CRTC1: variants seen among roughly 807,000 people sequenced by gnomAD.
CRTC1 encodes CREB-regulated transcription coactivator 1.
CRTC1 carries 18 observed loss-of-function variants against 66.1 expected under a neutral mutation model. That is an observed-to-expected ratio of 0.27 (90% CI 0.19 to 0.40). CRTC1 has a LOEUF of 0.40. Ranked by LOEUF, CRTC1 falls within the 10% of genes least tolerant of loss-of-function variation. The pLI, the probability that CRTC1 is intolerant of heterozygous loss-of-function variation, is 1.00. For synonymous variants in CRTC1, 416 were observed against 398.8 expected (o/e 1.04, Z -0.51); for missense variants, 669 against 887.9 (o/e 0.75, Z 3.13).
In CRTC1 at chr19:18,771,517, C is replaced by G; in HGVS notation, c.1396C>G (p.Gln466Glu). ...NQSPTSPVSNQGFSPGSSPQH... is the reference protein window; with the variant it reads ...NQSPTSPVSNEGFSPGSSPQH... ...GTCTCCCACCTCGCCAGTCTCCAAT[C>G]AAGGCTTCTCCCCAGGGAGCTCCCC... Residue 466 changes from glutamine (Q) to glutamate (E), a missense_variant, in exon 11 of 14, where the codon CAA becomes GAA. Around this residue, in one of 8 missense-constraint regions of CRTC1, gnomAD observed 79 missense variants for 100.1 expected, o/e 0.79. Transcript: ENST00000321949. This position sits in a 1 kb window ranked among gnomAD's most constrained non-coding sequence, Gnocchi z 4.6. 6.2e-7 allele frequency: 1 copy of G among 1,613,628 alleles called. No homozygotes were observed. The highest frequency in any genetic ancestry group is 8.5e-7 in the Non-Finnish European group (1 of 1,179,754).
At position 18,768,914 on chromosome 19, in the gene CRTC1, T is replaced by C; in HGVS notation, c.1320+121T>C. ...CAGGGGTCAGAACCCCAGCGAACGC[T>C]GCCTGGGCCCACCTCTCCACGGGGC... On this transcript the variant is annotated intron_variant, in intron 10 of 13. Coordinates refer to ENST00000321949, the MANE Select transcript of CRTC1 (RefSeq NM_015321.3). The surrounding 1 kb of genome is among the most constrained non-coding windows in gnomAD (Gnocchi z 5.6). 2 of 1,283,790 alleles carry C rather than the reference T, an allele frequency of 1.6e-6. No individual in the cohort carries two copies. Among genetic ancestry groups the C allele is most frequent in the Non-Finnish European group, 1.0e-6 (1 of 954,026 alleles). The allele number at this position is 1,283,790 out of a possible 1,614,324, so 79.5% of individuals were successfully genotyped here. A position where few individuals can be genotyped will look rare whatever the true frequency, so the allele number is the denominator to read the frequency against.
At position 18,769,848 on chromosome 19, in the gene CRTC1, G is replaced by A. The variant is rs1332131720; in HGVS notation, c.1320+1055G>A. On this transcript the variant is annotated intron_variant, in intron 10 of 13. Transcript: ENST00000321949. ...ACTTCAAGGACTTCTAGCCTCCTGGGGTTGAGGGGGGACTCTTGAGTTTTT... is the reference window on the plus strand; with the variant it reads ...ACTTCAAGGACTTCTAGCCTCCTGGAGTTGAGGGGGGACTCTTGAGTTTTT... Among the ~76,000 whole-genome samples, 4 of 152,278 alleles carry A rather than the reference G, an allele frequency of 2.6e-5. No homozygotes were observed. The East Asian group carries it at 7.7e-4, about 29-fold the overall frequency.
intron 8 of CRTC1, among the ~76,000 whole-genome samples, chr19:18,761,929 G>A (rs537134446): frequency 7.2e-5 from 11 of 152,276 alleles, no homozygotes; most frequent in Admixed American, 5.9e-4. Flanking sequence ...CTGGGCCCGC[G>A]GGGCTCTGCC....
At chr19:18,702,855 G>A (rs2053178558) in intron 1 of CRTC1, among the ~76,000 whole-genome samples, 1 of 152,094 alleles carries the variant, frequency 6.6e-6, no homozygotes, top group African/African-American at 2.4e-5. Flanking sequence ...TGGAGATAGT[G>A]CAGGGAATAC....
chr19:18,705,113 G>A (rs964245537), intron 1 of CRTC1, among the ~76,000 whole-genome samples: 4 of 152,036 alleles, frequency 2.6e-5, no homozygotes, highest in African/African-American at 9.7e-5. Context: ...GTGTCAGAAC[G>A]TCCTTCCCCT....
In CRTC1 at chr19:18,780,206, A is replaced by C. The variant is rs1039385947; in HGVS notation, c.*2824A>C. On this transcript the variant is annotated 3_prime_UTR_variant, in exon 14 of 14. Transcript: ENST00000321949. ...GGTCAGGCCCGGATGCTTGGTCTACACTGGGTTAGAGGCTGCTCTCCCCAC... is the reference window on the plus strand; with the variant it reads ...GGTCAGGCCCGGATGCTTGGTCTACCCTGGGTTAGAGGCTGCTCTCCCCAC... 4.3e-6 allele frequency: 1 copy of C among 231,484 alleles called. No individual in the cohort carries two copies. Among genetic ancestry groups the C allele is most frequent in the East Asian group, 6.1e-5 (1 of 16,378 alleles). The allele number at this position is 231,484 out of a possible 1,614,324, so 14.3% of individuals were successfully genotyped here. A position where few individuals can be genotyped will look rare whatever the true frequency, so the allele number is the denominator to read the frequency against.
chr19:18,722,591 A>G (rs2053653946), intron 1 of CRTC1, among the ~76,000 whole-genome samples: 1 of 152,240 alleles, frequency 6.6e-6, no homozygotes, highest in Non-Finnish European at 1.5e-5. Flanking sequence ...GAGGCCAAGG[A>G]CTGCTGACGG....
At chr19:18,712,866 A>G (rs923387670) in intron 1 of CRTC1, among the ~76,000 whole-genome samples, 1 of 151,306 alleles carries the variant, frequency 6.6e-6, no homozygotes, top group Non-Finnish European at 1.5e-5. Context: ...AGGCTGAGGC[A>G]GGAGAATGGC....
rs549105472 is a variant in CRTC1 at position 18,745,626 on chromosome 19, C to G, written c.244-197C>G. On this transcript the variant is annotated intron_variant, in intron 2 of 13. Transcript: ENST00000321949. ...GCTCCCGGGACCCCAGCTCACACCC[C>G]CTCCCTACCCCCCAGTGCTTGGAGA... Among the ~76,000 whole-genome samples, 17 of 152,332 alleles carry G rather than the reference C, an allele frequency of 1.1e-4. No individual in the cohort carries two copies. In the South Asian group the frequency reaches 2.7e-3, roughly 24 times the overall value.
chr19:18,688,464 G>T (rs565156745), intron 1 of CRTC1, among the ~76,000 whole-genome samples: 1 of 149,080 alleles, frequency 6.7e-6, no homozygotes, highest in African/African-American at 2.5e-5. Context: ...TTTTGAGGAG[G>T]AGCCCCCCCT....
At chr19:18,693,539 C>T (rs1216471122) in intron 1 of CRTC1, among the ~76,000 whole-genome samples, 2 of 145,756 alleles carry the variant, frequency 1.4e-5, no homozygotes, top group Non-Finnish European at 3.0e-5. Flanking sequence ...TAGAGTGCAG[C>T]GGTGTGATCT....
chr19:18,715,008 A>C (rs1490438535), intron 1 of CRTC1, among the ~76,000 whole-genome samples: 1 of 152,204 alleles, frequency 6.6e-6, no homozygotes, highest in African/African-American at 2.4e-5. Context: ...AATGACCACA[A>C]AATCTGGTGG....
intron 6 of CRTC1, among the ~76,000 whole-genome samples, chr19:18,758,302 G>A (rs1412108920): frequency 1.3e-5 from 2 of 151,074 alleles, no homozygotes; most frequent in African/African-American, 4.9e-5. Context: ...GGAGCTTGCA[G>A]TGAGCTGAGA....
intron 1 of CRTC1, among the ~76,000 whole-genome samples, chr19:18,696,524 C>T (rs2145504208): frequency 6.6e-6 from 1 of 152,258 alleles, no homozygotes; most frequent in Middle Eastern, 3.4e-3. Flanking sequence ...GAAATTGAGG[C>T]ACAGGAGGTC....
rs913875137 is a variant in CRTC1 at position 18,778,725 on chromosome 19, T to A, written c.*1343T>A. ...GCCATGACCAGTGGCAGCTGAGACC[T>A]CTCTGCCCCAAGAGTGTGGGGGACT... On this transcript the variant is annotated 3_prime_UTR_variant, in exon 14 of 14. Coordinates refer to ENST00000321949, the MANE Select transcript of CRTC1 (RefSeq NM_015321.3). The A allele has an allele frequency of 9.5e-5, 22 of 231,008 alleles. No individual in the cohort carries two copies. Among genetic ancestry groups the A allele is most frequent in the African/African-American group, 4.4e-4 (20 of 45,334 alleles). 14.3% of individuals were successfully genotyped at this position (231,008 alleles called of 1,614,324 possible). A position where few individuals can be genotyped will look rare whatever the true frequency, so the allele number is the denominator to read the frequency against.
intron 11 of CRTC1, among the ~76,000 whole-genome samples, chr19:18,773,640 G>A (rs2054920289): frequency 5.3e-5 from 8 of 152,192 alleles, no homozygotes; most frequent in Admixed American, 5.2e-4. Flanking sequence ...CCGCAAGCTT[G>A]CGGTCCTTGT....
chr19:18,729,905 C>G (rs531929155), intron 1 of CRTC1, among the ~76,000 whole-genome samples: 7 of 152,200 alleles, frequency 4.6e-5, no homozygotes, highest in African/African-American at 1.7e-4. Flanking sequence ...CTGGGGTTGC[C>G]TGTGAAACCA....
chr19:18,737,394 C>T (rs2145705390), intron 1 of CRTC1, among the ~76,000 whole-genome samples: 1 of 152,212 alleles, frequency 6.6e-6, no homozygotes, highest in African/African-American at 2.4e-5. Flanking sequence ...TGCTGGCAAG[C>T]TCTCATCTGA....
rs1302035517 is a variant in CRTC1, at chr19:18,782,032, CCT to C, written c.*4651_*4652del. ...CAAAGTCCACTGGCCCTGCCGTGCC[CCT>C]GAGTAGGAAACTGTCCCCTAGGGGC... On this transcript the variant is annotated 3_prime_UTR_variant, in exon 14 of 14. Coordinates refer to ENST00000321949, the MANE Select transcript of CRTC1 (RefSeq NM_015321.3). 18 of 228,594 alleles carry C rather than the reference CCT, an allele frequency of 7.9e-5. No individual in the cohort carries two copies. Among genetic ancestry groups the C allele is most frequent in the Non-Finnish European group, 1.4e-4 (16 of 115,216 alleles). 14.2% of individuals were successfully genotyped at this position (228,594 alleles called of 1,614,324 possible). A position where few individuals can be genotyped will look rare whatever the true frequency, so the allele number is the denominator to read the frequency against.
Sources: gnomAD v4.1 joint callset for allele counts (sites outside exome capture counted in the v4.1 genomes callset) on GRCh38, gnomAD v4.1.1 for gene constraint, gnomAD v4.1.1 regional missense constraint, Gnocchi (gnomAD v3.1) non-coding constraint, MANE v1.5 for transcripts, NCBI Gene and HGNC (gene_info 2026-07-23, HGNC 2026-07-21) for gene names.